The following PGR variants were observed in gnomAD, a reference collection of about 807,000 sequenced individuals.
PGR encodes nuclear receptor subfamily 3 group C member 3.
In PGR, 25 loss-of-function variants were observed where a neutral mutation model predicts 76.1. The observed-to-expected ratio is 0.33, with a 90% confidence interval of 0.24 to 0.46. The LOEUF (loss-of-function observed/expected upper bound fraction) is 0.46. Among genes scored for constraint, PGR ranks in the 20% least tolerant of loss-of-function variants. PGR has a pLI of 1.00. For synonymous variants in PGR, 579 were observed against 535.0 expected (o/e 1.08, Z -1.14); for missense variants, 1,172 against 1,225.3 (o/e 0.96, Z 0.65).
At chr11:101,127,342 C>CGCTGGG (rs1049309522) in intron 1 of PGR, 92 bp downstream of exon 1, 22 of 964,488 alleles carry the variant, frequency 2.3e-5, no homozygotes, top group African/African-American at 5.3e-5. Flanking sequence ...CGCAGCGGTG[C>CGCTGGG]GCTGGGGCTG....
In PGR at chr11:101,128,357, C is replaced by T. The variant is rs759981097; in HGVS notation, c.714G>A (p.Lys238=). 1.2e-6 allele frequency: 2 copies of T among 1,604,782 alleles called. No individual in the cohort carries two copies. The highest frequency in any genetic ancestry group is 1.7e-6 in the Non-Finnish European group (2 of 1,179,362). ...CGCCACCCAGAGCCCGAGGTTTGCC[C>T]TTCAGAAGCGGACCCGCAGACTCCT... The part of the protein sequence containing the change: ...ESEESAGPLL[K]GKPRALGGAA... The change falls in exon 1 of 8, where the codon AAG becomes AAA. Residue 238 remains lysine, a synonymous_variant. Coordinates refer to ENST00000325455, the MANE Select transcript of PGR (RefSeq NM_000926.4).
In PGR at chr11:101,129,120, A is replaced by G; in HGVS notation, c.-50T>C. 2.2e-6 allele frequency: 3 copies of G among 1,394,968 alleles called. No homozygotes were observed. The highest frequency in any genetic ancestry group is 1.4e-5 in the South Asian group (1 of 69,718). The allele number at this position is 1,394,968 out of a possible 1,614,324, so 86.4% of individuals were successfully genotyped here. On this transcript the variant is annotated 5_prime_UTR_variant, in exon 1 of 8. Coordinates refer to ENST00000325455, the MANE Select transcript of PGR (RefSeq NM_000926.4). ...TCCCCCGTCTCCAGGAGGAGGGAAA[A>G]GGGAAGGAGGAGGGGGTTTCGGGAA...
Position 101,030,064 on chromosome 11 carries a change from T to C in PGR, c.*9052A>G, listed in dbSNP as rs1393854974. On this transcript the variant is annotated 3_prime_UTR_variant, in exon 8 of 8. Coordinates refer to ENST00000325455, the MANE Select transcript of PGR (RefSeq NM_000926.4). ...AGAAATGAGGAGCAAGGTGTATGAC[T>C]TTAGATTCAAGAAGTATATGGGGCT... 1 of 218,894 alleles carries C rather than the reference T, an allele frequency of 4.6e-6. No homozygotes were observed. The highest frequency in any genetic ancestry group is 6.7e-5 in the East Asian group (1 of 14,908). 13.6% of individuals were successfully genotyped at this position (218,894 alleles called of 1,614,324 possible).
intron 3 of PGR, among the ~76,000 whole-genome samples, chr11:101,087,768 C>A (rs1399042145): frequency 6.6e-6 from 1 of 151,402 alleles, no homozygotes; most frequent in African/African-American, 2.4e-5. Context: ...AAAAAATGGG[C>A]AAAAGACTTG....
rs757216170 is a variant in PGR, at chr11:101,128,675, G to T, written c.396C>A (p.Pro132=). The change falls in exon 1 of 8, where the codon CCC becomes CCA. Residue 132 remains proline (P), a synonymous_variant. Transcript: ENST00000325455. ...ACCAAGAGCTGGTGACCTCGCAGGC[G>T]GGAGGGCTGGGTTGGCTCTGCCCGG... ...SGPGQSQPSP[P]ACEVTSSWCL... 4.5e-5 allele frequency: 72 copies of T among 1,598,798 alleles called. No individual in the cohort carries two copies. Among genetic ancestry groups the T allele is most frequent in the Middle Eastern group, 1.6e-4 (1 of 6,068 alleles).
At chr11:101,087,835 C>T (rs1257600844) in intron 3 of PGR, among the ~76,000 whole-genome samples, 1 of 151,916 alleles carries the variant, frequency 6.6e-6, no homozygotes, top group African/African-American at 2.4e-5. Context: ...TAAAATGCTC[C>T]ATATCACTAA....
At chr11:101,050,143 T>C (rs1591371937) in intron 5 of PGR, 84 bp from the exon 6 acceptor site, 7 of 1,418,040 alleles carry the variant, frequency 4.9e-6, no homozygotes, top group Non-Finnish European at 6.9e-6. Flanking sequence ...TATCAGGGAA[T>C]ATGGTTTTGG....
chr11:101,048,501 T>G (rs991867076), intron 6 of PGR, among the ~76,000 whole-genome samples: 5 of 152,170 alleles, frequency 3.3e-5, no homozygotes, highest in African/African-American at 1.2e-4. Context: ...GCTATGAACC[T>G]GTACAGCATG....
Position 101,032,749 on chromosome 11 carries a change from A to C in PGR, c.*6367T>G, listed in dbSNP as rs943649026. The C allele has an allele frequency of 5.0e-6, 1 of 200,600 alleles. No homozygotes were observed. Among genetic ancestry groups the C allele is most frequent in the Non-Finnish European group, 1.0e-5 (1 of 97,276 alleles). The allele number at this position is 200,600 out of a possible 1,614,324, so 12.4% of individuals were successfully genotyped here. A position where few individuals can be genotyped will look rare whatever the true frequency, so the allele number is the denominator to read the frequency against. ...TCCAATAGTTCCCTGTACTTCCTCCAGCATAAGCATTCACAGTACAATATT... is the reference window on the plus strand; with the variant it reads ...TCCAATAGTTCCCTGTACTTCCTCCCGCATAAGCATTCACAGTACAATATT... On this transcript the variant is annotated 3_prime_UTR_variant, in exon 8 of 8. Coordinates refer to ENST00000325455, the MANE Select transcript of PGR (RefSeq NM_000926.4).
chr11:101,092,564 A>G (rs1861707848), intron 2 of PGR, among the ~76,000 whole-genome samples: 1 of 152,206 alleles, frequency 6.6e-6, no homozygotes, highest in African/African-American at 2.4e-5. Flanking sequence ...GACAATACAC[A>G]TCGCACATCA....
intron 4 of PGR, among the ~76,000 whole-genome samples, chr11:101,059,685 A>G (rs984346331): frequency 1.3e-5 from 2 of 151,726 alleles, no homozygotes; most frequent in East Asian, 3.9e-4. Context: ...AATAAAAAAA[A>G]TTTAGCCAAG....
At chr11:101,109,123 C>G (rs1862267059) in intron 2 of PGR, among the ~76,000 whole-genome samples, 1 of 152,228 alleles carries the variant, frequency 6.6e-6, no homozygotes, top group Non-Finnish European at 1.5e-5. Context: ...AATTGGCATT[C>G]TGTCCTTGTC....
In PGR at chr11:101,037,941, A is replaced by G. The variant is rs1859563946; in HGVS notation, c.*1175T>C. 4.8e-6 allele frequency: 1 copy of G among 210,062 alleles called. No individual in the cohort carries two copies. The highest frequency in any genetic ancestry group is 9.7e-6 in the Non-Finnish European group (1 of 103,110). The allele number at this position is 210,062 out of a possible 1,614,324, so 13.0% of individuals were successfully genotyped here. On this transcript the variant is annotated 3_prime_UTR_variant, in exon 8 of 8. Transcript: ENST00000325455. ...CTACTGTAACTCAAATGTGCACAAA[A>G]TGGCAGGTAAACTCTAGGAGAAGGC...
rs971033192 is a variant in PGR at position 101,038,583 on chromosome 11, T to G, written c.*533A>C. ...AATCTATTTTAGTGGTTTTAAACTC[T>G]TTCTACATTTTTTGCATTAAAAATA... On this transcript the variant is annotated 3_prime_UTR_variant, in exon 8 of 8. Transcript: ENST00000325455. 5 of 230,322 alleles carry G rather than the reference T, an allele frequency of 2.2e-5. No homozygotes were observed. Among genetic ancestry groups the G allele is most frequent in the African/African-American group, 1.1e-4 (5 of 45,178 alleles). The allele number at this position is 230,322 out of a possible 1,614,324, so 14.3% of individuals were successfully genotyped here. A position where few individuals can be genotyped will look rare whatever the true frequency, so the allele number is the denominator to read the frequency against.
intron 2 of PGR, among the ~76,000 whole-genome samples, chr11:101,096,298 C>A (rs1591410242): frequency 6.6e-6 from 1 of 152,288 alleles, no homozygotes; most frequent in Non-Finnish European, 1.5e-5. Context: ...AAGCTCAATT[C>A]ACTCTAACTT....
chr11:101,069,621 A>G (rs906350963), intron 3 of PGR, among the ~76,000 whole-genome samples: 3 of 152,230 alleles, frequency 2.0e-5, no homozygotes, highest in Non-Finnish European at 4.4e-5. Flanking sequence ...AATCCTCATC[A>G]GTGAGAGACT....
intron 6 of PGR, among the ~76,000 whole-genome samples, chr11:101,045,276 G>C (rs1037840390): frequency 9.9e-5 from 15 of 151,980 alleles, no homozygotes; most frequent in African/African-American, 3.6e-4. Flanking sequence ...CTTAACTCTA[G>C]TATGTACATC....
intron 2 of PGR, 149 bp downstream of exon 2, chr11:101,125,858 T>C (rs1862824582): frequency 1.3e-6 from 1 of 740,894 alleles, no homozygotes. Flanking sequence ...AATAAAAACA[T>C]ATTGTTAAAA....
At position 101,128,787 on chromosome 11, in the gene PGR, C is replaced by T; in HGVS notation, c.284G>A (p.Gly95Asp). 2 of 1,614,160 alleles carry T rather than the reference C, an allele frequency of 1.2e-6. No individual in the cohort carries two copies. Among genetic ancestry groups the T allele is most frequent in the South Asian group, 1.1e-5 (1 of 91,084 alleles). ...GAYSRAEATR[G>D]AGGSSSSPPE... ...GGGACTAGAACTGCTGCCTCCAGCA[C>T]CCCTTGTAGCTTCAGCTCTGGAATA... is the stretch of plus-strand genomic sequence containing the variant. Residue 95 changes from glycine to aspartate, a missense_variant, in exon 1 of 8, where the codon GGT becomes GAT. Coordinates refer to ENST00000325455, the MANE Select transcript of PGR (RefSeq NM_000926.4).
Sources: gnomAD v4.1 joint callset for allele counts (sites outside exome capture counted in the v4.1 genomes callset) on GRCh38, gnomAD v4.1.1 for gene constraint, MANE v1.5 for transcripts, NCBI Gene and HGNC (gene_info 2026-07-23, HGNC 2026-07-21) for gene names.